The following GLI3 variants were observed in gnomAD, a reference collection of about 807,000 sequenced individuals.
GLI3 encodes GLI family zinc finger 3, also known as transcription activator GLI3.
In GLI3, 20 loss-of-function variants were observed where a neutral mutation model predicts 100.8. The observed-to-expected ratio is 0.20, with a 90% CI of 0.14 to 0.29. The LOEUF (loss-of-function observed/expected upper bound fraction) is 0.29. GLI3 is among the 10% of genes least tolerant of loss of function. The pLI is 1.00. For missense variants in GLI3, 2,040 were observed against 2,128.5 expected, an observed-to-expected ratio of 0.96 and a Z score of 0.82; for synonymous variants, 938 against 860.5, an observed-to-expected ratio of 1.09 and a Z score of -1.58.
intron 3 of GLI3, among the ~76,000 whole-genome samples, chr7:42,103,153 C>T (rs1230439021): frequency 2.0e-5 from 3 of 152,160 alleles, no homozygotes; most frequent in African/African-American, 4.8e-5. Context: ...CCTCCCCATA[C>T]AGCCTCTCCA....
intron 10 of GLI3, among the ~76,000 whole-genome samples, chr7:42,022,330 T>G (rs1335984218): frequency 2.6e-5 from 4 of 152,132 alleles, no homozygotes; most frequent in Non-Finnish European, 5.9e-5. Context: ...AGACACACAT[T>G]AAAAGTTCAC....
intron 1 of GLI3, among the ~76,000 whole-genome samples, chr7:42,223,514 T>C (rs1461870125): frequency 6.6e-6 from 1 of 151,940 alleles, no homozygotes; most frequent in African/African-American, 2.4e-5. Context: ...CCGAGGGAAA[T>C]GCCCATAACA....
intron 1 of GLI3, among the ~76,000 whole-genome samples, chr7:42,248,885 G>T (rs1407374506): frequency 6.6e-6 from 1 of 151,678 alleles, no homozygotes; most frequent in Non-Finnish European, 1.5e-5. Context: ...ACCTCCCTAG[G>T]CTCAGGTGGT....
rs1784223919 is a variant in GLI3, at chr7:42,045,331, T to C, written c.826+53A>G. 13 of 1,522,284 alleles carry C rather than the reference T, an allele frequency of 8.5e-6. No individual in the cohort carries two copies. The South Asian group carries it at 1.0e-4, about 12-fold the overall frequency. 94.3% of individuals were successfully genotyped at this position (1,522,284 alleles called of 1,614,324 possible). A position where few individuals can be genotyped will look rare whatever the true frequency, so the allele number is the denominator to read the frequency against. Reference sequence around the variant, plus strand: ...TCTTTGTATCTTCTTCTCTGTTTCATAAAGTTGCCTTTGCCATTTCCCAAG... The same window carrying C: ...TCTTTGTATCTTCTTCTCTGTTTCACAAAGTTGCCTTTGCCATTTCCCAAG... On this transcript the variant is annotated intron_variant, in intron 6 of 14. Transcript: ENST00000395925.
rs147227976 is a variant in GLI3 at position 42,133,137 on chromosome 7, G to A, written c.367+15089C>T. Reference sequence around the variant, plus strand: ...GAAGAATGGAATTTGTTTAATAAAAGTAAAACTTATACAAAAACATTCTCT... The same window carrying A: ...GAAGAATGGAATTTGTTTAATAAAAATAAAACTTATACAAAAACATTCTCT... On this transcript the variant is annotated intron_variant, in intron 3 of 14. Transcript: ENST00000395925. 3.9e-3 allele frequency among the ~76,000 whole-genome samples: 592 copies of A among 152,158 alleles called. 3 individuals are homozygous for A. The highest frequency in any genetic ancestry group is 0.014 in the African/African-American group (569 of 41,510).
At chr7:42,070,267 G>T (rs1306041719) in intron 4 of GLI3, among the ~76,000 whole-genome samples, 2 of 152,184 alleles carry the variant, frequency 1.3e-5, no homozygotes, top group Non-Finnish European at 2.9e-5. Flanking sequence ...AGGTACATTA[G>T]GTCAAAAGGC....
rs1374142987 is a variant in GLI3 at position 42,248,274 on chromosome 7, A to G, written c.-43+15720T>C. ...ATCATAAAGTTGCTCATATTTTCCTATAGGGACAGTGCCATAATCAGGAGT... is the reference window on the plus strand; with the variant it reads ...ATCATAAAGTTGCTCATATTTTCCTGTAGGGACAGTGCCATAATCAGGAGT... On this transcript the variant is annotated intron_variant, in intron 1 of 2. Transcript: ENST00000678978. Among the ~76,000 whole-genome samples, 19 of 152,300 alleles carry G rather than the reference A, an allele frequency of 1.2e-4. 3 individuals carry two copies. In the South Asian group the frequency reaches 3.9e-3, roughly 32 times the overall value.
At chr7:42,148,764 C>G (rs1168615175) in intron 2 of GLI3, among the ~76,000 whole-genome samples, 1 of 152,182 alleles carries the variant, frequency 6.6e-6, no homozygotes, top group African/African-American at 2.4e-5. Context: ...CTAGATGGGT[C>G]TGCCCATGAG....
chr7:42,162,266 T>A (rs771953937), intron 2 of GLI3, among the ~76,000 whole-genome samples: 5 of 152,140 alleles, frequency 3.3e-5, no homozygotes, highest in Admixed American at 1.3e-4. Flanking sequence ...AGTCTCTAGT[T>A]CAAATTTTCA....
intron 5 of GLI3, among the ~76,000 whole-genome samples, chr7:42,046,364 A>G (rs1427281890): frequency 1.3e-5 from 2 of 152,220 alleles, no homozygotes; most frequent in African/African-American, 4.8e-5. Context: ...TTTTACGATT[A>G]TTATCTAGAA....
At chr7:42,085,962 T>C (rs10255426) in intron 3 of GLI3, among the ~76,000 whole-genome samples, 7,671 of 152,222 alleles carry the variant, frequency 0.05, 588 homozygotes, top group African/African-American at 0.17. Context: ...ATGAGGCACA[T>C]TCATTTTGCT....
Position 41,963,928 on chromosome 7 carries a change from AGCACACC to A in GLI3, c.*395_*401del. 6.2e-5 allele frequency: 11 copies of A among 177,792 alleles called. No individual in the cohort carries two copies. Among genetic ancestry groups the A allele is most frequent in the South Asian group, 3.7e-4 (3 of 8,148 alleles). 11.0% of individuals were successfully genotyped at this position (177,792 alleles called of 1,614,324 possible). ...CTGGAAGTGTAACCCCTTGGTCACA[AGCACACC>A]AACTCCTATTTCCTTTGAGCAACAG... On this transcript the variant is annotated 3_prime_UTR_variant, in exon 15 of 15. Transcript: ENST00000395925.
At chr7:42,101,653 C>T (rs1785464200) in intron 3 of GLI3, among the ~76,000 whole-genome samples, 1 of 141,546 alleles carries the variant, frequency 7.1e-6, no homozygotes, top group African/African-American at 2.8e-5. Context: ...TGCTGAATTT[C>T]GTTTGCTAGT....
chr7:42,201,840 T>G (rs2128693141), intron 2 of GLI3, among the ~76,000 whole-genome samples: 1 of 152,232 alleles, frequency 6.6e-6, no homozygotes, highest in East Asian at 1.9e-4. Context: ...TCCTAGCACT[T>G]TGGGAAGCCG....
upstream of GLI3, among the ~76,000 whole-genome samples, chr7:42,241,096 T>G (rs1203076928): frequency 6.6e-6 from 1 of 152,176 alleles, no homozygotes; most frequent in East Asian, 1.9e-4. Flanking sequence ...TGGCTGTTTT[T>G]ATTGACAAAA....
chr7:42,037,089 C>T (rs1431958192), intron 7 of GLI3, among the ~76,000 whole-genome samples: 2 of 151,874 alleles, frequency 1.3e-5, no homozygotes, highest in African/African-American at 4.8e-5. Flanking sequence ...TACAGTGAGC[C>T]GAGATCGTGC....
At chr7:42,007,261 C>A (rs181561608) in intron 10 of GLI3, among the ~76,000 whole-genome samples, 27 of 147,904 alleles carry the variant, frequency 1.8e-4, no homozygotes, top group African/African-American at 5.7e-4. Context: ...AAAAAAGAAC[C>A]CAACAGCAAG....
intron 2 of GLI3, among the ~76,000 whole-genome samples, chr7:42,186,907 T>C (rs773771122): frequency 1.3e-5 from 2 of 152,076 alleles, no homozygotes; most frequent in Non-Finnish European, 2.9e-5. Flanking sequence ...CCTGACAAAA[T>C]AGCATTAAAA....
chr7:42,039,945 A>T, intron 7 of GLI3, 93 bp downstream of exon 7: 1 of 925,842 alleles, frequency 1.1e-6, no homozygotes, highest in Non-Finnish European at 1.8e-6. Flanking sequence ...TCTTCCTCAT[A>T]GGCAGTTGGT....
Sources: allele counts gnomAD v4.1 joint callset (sites outside exome capture counted in the v4.1 genomes callset), GRCh38; gene constraint gnomAD v4.1.1; transcripts MANE v1.5; gene names NCBI Gene and HGNC (gene_info 2026-07-23, HGNC 2026-07-21).